RAB11FIP3: variants seen among roughly 807,000 people sequenced by gnomAD.
RAB11FIP3 encodes the protein RAB11 family interacting protein 3.
Under a neutral mutation model 77.8 loss-of-function variants are expected in RAB11FIP3, and 17 were observed. The observed-to-expected ratio is 0.22, with a 90% CI of 0.15 to 0.33. RAB11FIP3 has a LOEUF of 0.33. Among genes scored for constraint, RAB11FIP3 ranks in the 10% least tolerant of loss-of-function variants. The probability of loss-of-function intolerance (pLI) is 1.00; values close to 1 mark genes in which losing one functional copy is unlikely to be tolerated. For missense variants in RAB11FIP3, 1,005 were observed against 1,011.2 expected, an observed-to-expected ratio of 0.99 and a Z score of 0.08; for synonymous variants, 437 against 448.2, an observed-to-expected ratio of 0.98 and a Z score of 0.31.
At chr16:430,201 C>T (rs1393101630) in intron 1 of RAB11FIP3, among the ~76,000 whole-genome samples, 1 of 152,164 alleles carries the variant, frequency 6.6e-6, no homozygotes, top group Admixed American at 6.5e-5. Context: ...ATGACCCCTT[C>T]ATACTGAGAG....
At position 426,552 on chromosome 16, in the gene RAB11FIP3, G is replaced by A; in HGVS notation, c.546G>A (p.Pro182=). Residue 182 remains proline (P), a synonymous_variant, in exon 1 of 14, where the codon CCG becomes CCA. Transcript: ENST00000262305. This position sits in a 1 kb window ranked among gnomAD's most constrained non-coding sequence, Gnocchi z 5.0. ...TGGAGCAAGGTCCCGGGTCCCCGCCGCAGCCCTCGGACCTCAGCCAGACCC... is the reference window on the plus strand; with the variant it reads ...TGGAGCAAGGTCCCGGGTCCCCGCCACAGCCCTCGGACCTCAGCCAGACCC... ...LALEQGPGSP[P]QPSDLSQTHP... 1 of 1,580,670 alleles carries A rather than the reference G, an allele frequency of 6.3e-7. No individual in the cohort carries two copies. The highest frequency in any genetic ancestry group is 1.4e-5 in the African/African-American group (1 of 73,476).
At position 505,345 on chromosome 16, in the gene RAB11FIP3, C is replaced by T. The variant is rs550637086; in HGVS notation, c.1396-179C>T. Among the ~76,000 whole-genome samples, 139 of 152,326 alleles carry T rather than the reference C, an allele frequency of 9.1e-4. No homozygotes were observed. In the South Asian group the frequency reaches 0.015, roughly 17 times the overall value. The stretch of plus-strand genomic sequence containing the variant: ...GACAGTGCTCCCCAAGACCCCGGCC[C>T]CATTAGGAGCTGCACCTTTGTGGGT... On this transcript the variant is annotated intron_variant, in intron 7 of 13. Transcript: ENST00000262305. The surrounding 1 kb of genome is among the most constrained non-coding windows in gnomAD (Gnocchi z 4.0).
At chr16:489,306 T>C (rs2029961816) in intron 5 of RAB11FIP3, among the ~76,000 whole-genome samples, 2 of 152,206 alleles carry the variant, frequency 1.3e-5, no homozygotes, top group Non-Finnish European at 2.9e-5. Flanking sequence ...GTGGATCACA[T>C]GGTGGTCTGT....
intron 5 of RAB11FIP3, among the ~76,000 whole-genome samples, chr16:495,579 T>C (rs2031051382): frequency 6.6e-6 from 1 of 152,168 alleles, no homozygotes; most frequent in Non-Finnish European, 1.5e-5. Flanking sequence ...GAGGCAAACC[T>C]CTTCCTGCTG....
chr16:475,024 C>T (rs766131708), intron 3 of RAB11FIP3: 142 of 1,551,616 alleles, frequency 9.2e-5, no homozygotes, highest in Non-Finnish European at 1.1e-4. Flanking sequence ...AGCCGGTCTC[C>T]AACAGCATGC....
At chr16:511,818 T>C (rs1199285079) in intron 9 of RAB11FIP3, among the ~76,000 whole-genome samples, 38 of 71,892 alleles carry the variant, frequency 5.3e-4, no homozygotes, top group Non-Finnish European at 6.8e-4. Context: ...GCAGGCCAGG[T>C]AGGAGAGGTT....
chr16:502,580 C>T (rs1429576932), intron 6 of RAB11FIP3, among the ~76,000 whole-genome samples: 5 of 152,194 alleles, frequency 3.3e-5, no homozygotes, highest in Non-Finnish European at 7.3e-5. Flanking sequence ...AGAATGTGCA[C>T]AGGGGAGGTG....
chr16:475,017 C>T lies in RAB11FIP3; in HGVS notation c.903+3628C>T, dbSNP rs567076592. Reference sequence around the variant, plus strand: ...TTGGGACGGAGACACGATGGGGAGCCGGTCTCCAACAGCATGCCCTTCCTG... The same window carrying T: ...TTGGGACGGAGACACGATGGGGAGCTGGTCTCCAACAGCATGCCCTTCCTG... On this transcript the variant is annotated intron_variant, in intron 3 of 13. Coordinates refer to ENST00000262305, the MANE Select transcript of RAB11FIP3 (RefSeq NM_014700.4). 2.8e-5 allele frequency: 44 copies of T among 1,551,708 alleles called. No individual in the cohort carries two copies. The East Asian group carries it at 4.2e-4, about 15-fold the overall frequency.
rs2054930057 is a variant in RAB11FIP3, at chr16:425,903, G to T, written c.-104G>T. 3 of 273,210 alleles carry T rather than the reference G, an allele frequency of 1.1e-5. No homozygotes were observed. Among genetic ancestry groups the T allele is most frequent in the Admixed American group, 1.3e-4 (2 of 15,318 alleles). 16.9% of individuals were successfully genotyped at this position (273,210 alleles called of 1,614,324 possible). On this transcript the variant is annotated 5_prime_UTR_variant, in exon 1 of 14. Transcript: ENST00000262305. Reference sequence around the variant, plus strand: ...AGCCCCAGCAGCCCGGGCGCCCCGCGCGCGCCCGCCCGCGCCGCCGAGGGG... The same window carrying T: ...AGCCCCAGCAGCCCGGGCGCCCCGCTCGCGCCCGCCCGCGCCGCCGAGGGG...
intron 1 of RAB11FIP3, among the ~76,000 whole-genome samples, chr16:456,922 C>T (rs1196849224): frequency 1.3e-5 from 2 of 151,798 alleles, no homozygotes; most frequent in Non-Finnish European, 2.9e-5. Flanking sequence ...GGCTTCAGTG[C>T]CATTGGGAGA....
rs2055146167 is a variant in RAB11FIP3 at position 437,304 on chromosome 16, C to T, written c.714+10584C>T. Reference sequence around the variant, plus strand: ...GAAAAAAAGGCTAGATGTGGTGGCTCATGCCTGTAATCCTAGCACTTTGGG... The same window carrying T: ...GAAAAAAAGGCTAGATGTGGTGGCTTATGCCTGTAATCCTAGCACTTTGGG... On this transcript the variant is annotated intron_variant, in intron 1 of 13. Transcript: ENST00000262305. Among the ~76,000 whole-genome samples the T allele has an allele frequency of 2.0e-5, 3 of 151,436 alleles. No individual in the cohort carries two copies. The South Asian group carries it at 6.2e-4, about 32-fold the overall frequency.
rs1188013965 is a variant in RAB11FIP3, at chr16:425,946, C to G, written c.-61C>G. 1.4e-6 allele frequency: 1 copy of G among 731,902 alleles called. No individual in the cohort carries two copies. Among genetic ancestry groups the G allele is most frequent in the African/African-American group, 2.0e-5 (1 of 49,528 alleles). The allele number at this position is 731,902 out of a possible 1,614,324, so 45.3% of individuals were successfully genotyped here. A position where few individuals can be genotyped will look rare whatever the true frequency, so the allele number is the denominator to read the frequency against. ...CCGAGGGGATGCCCGCGCCCGCCGC[C>G]GCGCCCTGAGCGCCTTTGTCTGCCG... On this transcript the variant is annotated 5_prime_UTR_variant, in exon 1 of 14. Coordinates refer to ENST00000262305, the MANE Select transcript of RAB11FIP3 (RefSeq NM_014700.4).
At chr16:453,070 A>T (rs1162135752) in intron 1 of RAB11FIP3, among the ~76,000 whole-genome samples, 2 of 96,902 alleles carry the variant, frequency 2.1e-5, no homozygotes, top group African/African-American at 4.2e-5. Context: ...TTTATTTTTT[A>T]ATTTTTTTTT....
intron 5 of RAB11FIP3, among the ~76,000 whole-genome samples, chr16:495,583 C>A (rs997973038): frequency 6.6e-6 from 1 of 152,174 alleles, no homozygotes; most frequent in African/African-American, 2.4e-5. Flanking sequence ...CAAACCTCTT[C>A]CTGCTGTGTT....
Position 426,804 on chromosome 16 carries a change from C to T in RAB11FIP3, c.714+84C>T. 1 of 1,154,582 alleles carries T rather than the reference C, an allele frequency of 8.7e-7. No homozygotes were observed. Among genetic ancestry groups the T allele is most frequent in the Non-Finnish European group, 1.2e-6 (1 of 844,484 alleles). The allele number at this position is 1,154,582 out of a possible 1,614,324, so 71.5% of individuals were successfully genotyped here. On this transcript the variant is annotated intron_variant, in intron 1 of 13. Transcript: ENST00000262305. The surrounding 1 kb of genome is among the most constrained non-coding windows in gnomAD (Gnocchi z 5.0). The stretch of plus-strand genomic sequence containing the variant: ...GTTGATGTGGGACCGGTCGACGCTG[C>T]CCCTGGAGTCGGGAAAGGCACTGTC...
chr16:464,083 T>C (rs896046373), intron 2 of RAB11FIP3, among the ~76,000 whole-genome samples: 1 of 152,034 alleles, frequency 6.6e-6, no homozygotes, highest in Non-Finnish European at 1.5e-5. Context: ...TACTGCAGGC[T>C]CTGCAGGCTG....
At chr16:464,101 C>G (rs780721549) in intron 2 of RAB11FIP3, among the ~76,000 whole-genome samples, 1 of 152,072 alleles carries the variant, frequency 6.6e-6, no homozygotes, top group African/African-American at 2.4e-5. Flanking sequence ...CTGAGAGGAG[C>G]GTGCAGGCAA....
chr16:482,985 G>C (rs2056077959), intron 4 of RAB11FIP3, among the ~76,000 whole-genome samples: 1 of 152,138 alleles, frequency 6.6e-6, no homozygotes, highest in African/African-American at 2.4e-5. Flanking sequence ...TTCAAATGTT[G>C]CTCAACATCT....
intron 4 of RAB11FIP3, among the ~76,000 whole-genome samples, chr16:485,965 A>G (rs2056146009): frequency 6.6e-6 from 1 of 152,084 alleles, no homozygotes; most frequent in African/African-American, 2.4e-5. Context: ...GCAGTGGCAC[A>G]ATCTTGGGTC....
Sources: gnomAD v4.1 joint callset for allele counts (sites outside exome capture counted in the v4.1 genomes callset) on GRCh38, gnomAD v4.1.1 for gene constraint, Gnocchi (gnomAD v3.1) non-coding constraint, MANE v1.5 for transcripts, NCBI Gene and HGNC (gene_info 2026-07-23, HGNC 2026-07-21) for gene names.